Variants in FAM234A observed in about 807,000 individuals in gnomAD.
FAM234A encodes family with sequence similarity 234 member A, also known as protein FAM234A.
In FAM234A, 42 loss-of-function variants were observed where a neutral mutation model predicts 49.1. The observed-to-expected ratio is 0.86, with a 90% CI of 0.67 to 1.11. The LOEUF is 1.11. FAM234A is among the 50% of genes least tolerant of loss of function. The pLI is 0.00. For synonymous variants in FAM234A, 369 were observed against 316.2 expected (o/e 1.17, Z -1.77); for missense variants, 815 against 745.2 (o/e 1.09, Z -1.09).
In FAM234A at chr16:264,045, C is replaced by T. The variant is rs1596857140; in HGVS notation, c.1218C>T (p.Ala406=). ...QILFLDLGTG[A]VLCSLALPSL... ...TGTTTCTGGACCTTGGCACTGGAGC[C>T]GTCCTGTGTAGCCTAGCCCTCCCGA... Residue 406 remains alanine, a synonymous_variant, in exon 11 of 13, where the codon GCC becomes GCT. Coordinates refer to ENST00000399932, the MANE Select transcript of FAM234A (RefSeq NM_032039.4). The T allele has an allele frequency of 4.3e-6, 7 of 1,613,284 alleles. No individual in the cohort carries two copies. The highest frequency in any genetic ancestry group is 1.3e-5 in the African/African-American group (1 of 75,026).
In FAM234A at chr16:259,999, C is replaced by G; in HGVS notation, c.416C>G (p.Ala139Gly). ...TCCTCTCCCTGCACCTTTGCAGCTG[C>G]TGTGTCGGGGGCCAACGGCAGCACG... ...GFSSPCTFAA[A>G]VSGANGSTLW... The change falls in exon 5 of 13, where the codon GCT becomes GGT. Residue 139 changes from alanine (A) to glycine (G), a missense_variant. By Grantham distance (60) the Ala-to-Gly change is moderately conservative (BLOSUM62 0). Transcript: ENST00000399932. 1 of 1,613,648 alleles carries G rather than the reference C, an allele frequency of 6.2e-7. No individual in the cohort carries two copies. Among genetic ancestry groups the G allele is most frequent in the Non-Finnish European group, 8.5e-7 (1 of 1,180,000 alleles).
At chr16:263,642 C>T in intron 9 of FAM234A, 58 bp from the exon 10 acceptor site, 1 of 1,437,872 alleles carries the variant, frequency 7.0e-7, no homozygotes, top group Non-Finnish European at 9.8e-7. Context: ...TGGGTGCTTC[C>T]TTCATCTCAG....
At chr16:241,365 T>G (rs1393632503) in intron 1 of FAM234A, among the ~76,000 whole-genome samples, 5 of 151,866 alleles carry the variant, frequency 3.3e-5, no homozygotes, top group Non-Finnish European at 7.4e-5. Flanking sequence ...GAGGATCACA[T>G]GAACCCAGGA....
chr16:238,602 TA>T (rs1312424679), intron 1 of FAM234A, among the ~76,000 whole-genome samples: 2 of 142,622 alleles, frequency 1.4e-5, no homozygotes, highest in Non-Finnish European at 3.1e-5. Context: ...CCGTCTCTAC[TA>T]AAAATACAAA....
chr16:253,514 G>A (rs1442116747), intron 2 of FAM234A, among the ~76,000 whole-genome samples: 3 of 150,478 alleles, frequency 2.0e-5, no homozygotes, highest in East Asian at 1.9e-4. Context: ...TCACTCTGTC[G>A]CCCAGGCTGG....
Position 262,181 on chromosome 16 carries a change from TTCACG to T in FAM234A, c.802_806del (p.Val268GlnfsTer37). 6.2e-7 allele frequency: 1 copy of T among 1,613,980 alleles called. No individual in the cohort carries two copies. The highest frequency in any genetic ancestry group is 8.5e-7 in the Non-Finnish European group (1 of 1,180,018). On this transcript the variant is annotated frameshift_variant, in exon 7 of 13. Transcript: ENST00000399932. LOFTEE classifies it high-confidence loss of function. ...GTGGACGGGGAAAGTGGCTTCCTCC[TTCACG>T]TCACCAGGACAGGTGCCCACTACAT...
At chr16:243,347 C>G (rs141207723) in intron 1 of FAM234A, among the ~76,000 whole-genome samples, 1 of 152,076 alleles carries the variant, frequency 6.6e-6, no homozygotes, top group East Asian at 1.9e-4. Context: ...GCCACATGGC[C>G]TGACTCTCTG....
chr16:260,055 G>T lies in FAM234A; in HGVS notation c.472G>T (p.Ala158Ser), dbSNP rs1353104744. 6.2e-7 allele frequency: 1 copy of T among 1,613,588 alleles called. No individual in the cohort carries two copies. Among genetic ancestry groups the T allele is most frequent in the African/African-American group, 1.3e-5 (1 of 74,940 alleles). The change falls in exon 5 of 13, where the codon GCC becomes TCC. Residue 158 changes from alanine (A) to serine (S), a missense_variant. By Grantham distance (99) the Ala-to-Ser change is moderately conservative (BLOSUM62 1). Transcript: ENST00000399932. The stretch of plus-strand genomic sequence containing the variant: ...GGAGAGACCTGTGGCCCAAGACGTG[G>T]CCCTCGTGGAGTGTGCTGTGCCCCA... ...LWERPVAQDV[A>S]LVECAVPQPR...
chr16:260,038 C>T lies in FAM234A; in HGVS notation c.455C>T (p.Pro152Leu). 1 of 1,613,698 alleles carries T rather than the reference C, an allele frequency of 6.2e-7. No homozygotes were observed. Among genetic ancestry groups the T allele is most frequent in the South Asian group, 1.1e-5 (1 of 91,076 alleles). The stretch of plus-strand genomic sequence containing the variant: ...AACGGCAGCACGCTCTGGGAGAGAC[C>T]TGTGGCCCAAGACGTGGCCCTCGTG... ...GANGSTLWER[P>L]VAQDVALVEC... is the part of the protein sequence containing the mutation. Residue 152 changes from proline to leucine, a missense_variant, in exon 5 of 13, where the codon CCT (proline) becomes CTT (leucine). Pro to Leu is a moderately conservative substitution (Grantham distance 98, BLOSUM62 -3). Transcript: ENST00000399932.
intron 8 of FAM234A, among the ~76,000 whole-genome samples, chr16:262,806 G>GT (rs762650673): frequency 0.027 from 3,585 of 130,498 alleles, 134 homozygotes; most frequent in East Asian, 0.13. Context: ...TCTCTTTTCT[G>GT]TTTTTTTTTT....
At chr16:251,297 T>C (rs1231924347) in intron 2 of FAM234A, among the ~76,000 whole-genome samples, 1 of 152,210 alleles carries the variant, frequency 6.6e-6, no homozygotes, top group Non-Finnish European at 1.5e-5. Flanking sequence ...TGTTTCTACA[T>C]TTTGGCTGTT....
chr16:245,242 T>C (rs1416289328), intron 1 of FAM234A, among the ~76,000 whole-genome samples: 1 of 152,088 alleles, frequency 6.6e-6, no homozygotes, highest in Non-Finnish European at 1.5e-5. Flanking sequence ...AGCTACTTTA[T>C]AGGCTGAGGT....
At chr16:240,855 T>G (rs990149497) in intron 1 of FAM234A, among the ~76,000 whole-genome samples, 1 of 152,164 alleles carries the variant, frequency 6.6e-6, no homozygotes, top group Non-Finnish European at 1.5e-5. Flanking sequence ...TGTTTCTAAC[T>G]GGTGAAACTA....
intron 6 of FAM234A, among the ~76,000 whole-genome samples, chr16:261,750 G>T (rs2051475674): frequency 6.6e-6 from 1 of 152,250 alleles, no homozygotes; most frequent in Non-Finnish European, 1.5e-5. Context: ...CTTCCCATTT[G>T]TGCTGTTGCA....
At chr16:236,618 A>G (rs2050408859) in intron 1 of FAM234A, among the ~76,000 whole-genome samples, 1 of 133,304 alleles carries the variant, frequency 7.5e-6, no homozygotes, top group Non-Finnish European at 1.6e-5. Context: ...CTGTCTCAAA[A>G]TAAATAGGCC....
chr16:235,163 G>GT, intron 1 of FAM234A, among the ~76,000 whole-genome samples: 1 of 152,206 alleles, frequency 6.6e-6, no homozygotes, highest in Non-Finnish European at 1.5e-5. Flanking sequence ...TCAAAGCGGG[G>GT]TTTTACCTCC....
chr16:264,024 T>C lies in FAM234A; in HGVS notation c.1197T>C (p.Phe399=). ...NGTGTDRQIL[F]LDLGTGAVLC... ...GTCCCCTCCCTCCCCAGATCCTGTTTCTGGACCTTGGCACTGGAGCCGTCC... is the reference window on the plus strand; with the variant it reads ...GTCCCCTCCCTCCCCAGATCCTGTTCCTGGACCTTGGCACTGGAGCCGTCC... Residue 399 remains phenylalanine (F), a synonymous_variant, in exon 11 of 13, where the codon TTT becomes TTC. Coordinates refer to ENST00000399932, the MANE Select transcript of FAM234A (RefSeq NM_032039.4). 6.2e-7 allele frequency: 1 copy of C among 1,612,640 alleles called. No homozygotes were observed. The highest frequency in any genetic ancestry group is 8.5e-7 in the Non-Finnish European group (1 of 1,179,506).
downstream of FAM234A, chr16:269,382 C>A (rs374550808): frequency 1.9e-6 from 3 of 1,599,356 alleles, no homozygotes; most frequent in South Asian, 2.2e-5. Context: ...AACGGGAACA[C>A]GCTGTGGGCG....
At chr16:255,113 C>T (rs1364947483) in intron 3 of FAM234A, among the ~76,000 whole-genome samples, 1 of 152,188 alleles carries the variant, frequency 6.6e-6, no homozygotes, top group Non-Finnish European at 1.5e-5. Context: ...CTCAGCCTCC[C>T]AAAGTGCTGA....
Sources: allele counts gnomAD v4.1 joint callset (sites outside exome capture counted in the v4.1 genomes callset), GRCh38; gene constraint gnomAD v4.1.1; transcripts MANE v1.5; gene names NCBI Gene and HGNC (gene_info 2026-07-23, HGNC 2026-07-21).